Variants in SHISAL2A observed in about 807,000 individuals in gnomAD.
SHISAL2A encodes the protein shisa like 2A, also known as protein shisa-like-2A.
SHISAL2A carries 18 observed loss-of-function variants against 11.5 expected under a neutral mutation model. The ratio of observed to expected loss-of-function variants is 1.57; its 90% CI spans 1.08 to 2.33. The LOEUF is 2.33. SHISAL2A is among the 30% of genes most tolerant of loss of function. The pLI is 0.00. For synonymous variants in SHISAL2A, 94 were observed against 99.6 expected (o/e 0.94, Z 0.34); for missense variants, 261 against 250.9 (o/e 1.04, Z -0.27).
At chr1:52,648,050 T>C (rs1691541345) in intron 2 of SHISAL2A, among the ~76,000 whole-genome samples, 1 of 88,526 alleles carries the variant, frequency 1.1e-5, no homozygotes, top group African/African-American at 4.8e-5. Context: ...ATTTAAATAA[T>C]ATATATAATT....
chr1:52,665,379 C>T (rs1019338715), intron 4 of SHISAL2A, among the ~76,000 whole-genome samples: 4 of 152,108 alleles, frequency 2.6e-5, no homozygotes, highest in African/African-American at 9.7e-5. Context: ...GTCTGAAGGC[C>T]AGGGCAGGGT....
intron 2 of SHISAL2A, among the ~76,000 whole-genome samples, chr1:52,653,154 A>C (rs559226117): frequency 6.6e-6 from 1 of 151,240 alleles, no homozygotes; most frequent in South Asian, 2.1e-4. Context: ...GGTAAAATTT[A>C]ACAAAACATG....
At chr1:52,655,770 T>C (rs1324591924) in intron 2 of SHISAL2A, among the ~76,000 whole-genome samples, 2 of 152,318 alleles carry the variant, frequency 1.3e-5, no homozygotes, top group African/African-American at 4.8e-5. Context: ...TGGAAAGAGA[T>C]TGAAAGCTTT....
chr1:52,638,303 GCCCCTTTCT>G (rs769862380), intron 1 of SHISAL2A, among the ~76,000 whole-genome samples: 35,639 of 151,660 alleles, frequency 0.23, 6,996 homozygotes, highest in African/African-American at 0.5. Context: ...TCTCTTAGAG[GCCCCTTTCT>G]ATCCAGGAAC....
chr1:52,633,552 G>C lies in SHISAL2A; in HGVS notation c.59G>C (p.Ser20Thr). The change falls in exon 1 of 3, where the codon AGC becomes ACC. Residue 20 changes from serine to threonine, a missense_variant. Ser to Thr is a moderately conservative substitution (Grantham distance 58). Transcript: ENST00000517870. This position sits in a 1 kb window ranked among gnomAD's most constrained non-coding sequence, Gnocchi z 6.4. ...GAGCAGGAGGTGGTGCGCGGCTTCA[G>C]CTGCCCGCGGCCGGGGGGCGAGGCG... ...SAEQEVVRGF[S>T]CPRPGGEAAA... The C allele has an allele frequency of 6.2e-7, 1 of 1,609,722 alleles. No homozygotes were observed. The highest frequency in any genetic ancestry group is 8.5e-7 in the Non-Finnish European group (1 of 1,178,348).
At chr1:52,657,333 G>C (rs946006490), downstream of SHISAL2A, among the ~76,000 whole-genome samples, 2 of 152,302 alleles carry the variant, frequency 1.3e-5, no homozygotes, top group Middle Eastern at 6.8e-3. Flanking sequence ...AGAGAACTCT[G>C]ACATGGTTTT....
At chr1:52,646,536 C>G (rs1381900035) in intron 2 of SHISAL2A, among the ~76,000 whole-genome samples, 2 of 139,008 alleles carry the variant, frequency 1.4e-5, no homozygotes, top group African/African-American at 2.6e-5. Flanking sequence ...CACAATTAGT[C>G]CTCATATTCT....
intron 1 of SHISAL2A, among the ~76,000 whole-genome samples, chr1:52,635,364 A>C (rs1691216426): frequency 6.9e-6 from 1 of 144,792 alleles, no homozygotes; most frequent in Non-Finnish European, 1.5e-5. Context: ...CCCACCCCCC[A>C]CCCCACCAGA....
chr1:52,659,611 G>A (rs1381032987), downstream of SHISAL2A: 1 of 152,626 alleles, frequency 6.6e-6, no homozygotes, highest in Admixed American at 6.5e-5. Flanking sequence ...ATTATGGTCA[G>A]AATACAGCTT....
At chr1:52,644,723 C>T (rs1306805418) in intron 2 of SHISAL2A, among the ~76,000 whole-genome samples, 2 of 138,908 alleles carry the variant, frequency 1.4e-5, no homozygotes, top group East Asian at 2.2e-4. Flanking sequence ...GACCGTGTCT[C>T]AGAAAAAAGT....
At chr1:52,644,139 C>T (rs1425170470) in intron 2 of SHISAL2A, among the ~76,000 whole-genome samples, 2 of 151,794 alleles carry the variant, frequency 1.3e-5, no homozygotes, top group African/African-American at 4.9e-5. Flanking sequence ...CTGTCTGCCT[C>T]GAGTCACCAT....
At chr1:52,634,927 A>G (rs1393825468) in intron 1 of SHISAL2A, among the ~76,000 whole-genome samples, 1 of 152,218 alleles carries the variant, frequency 6.6e-6, no homozygotes, top group Non-Finnish European at 1.5e-5. Flanking sequence ...AACTTGACAT[A>G]TGCCAATGAC....
intron 4 of SHISAL2A, among the ~76,000 whole-genome samples, chr1:52,666,587 T>C (rs1692018395): frequency 7.2e-6 from 1 of 139,264 alleles, no homozygotes; most frequent in African/African-American, 3.0e-5. Flanking sequence ...CACGCGCGTG[T>C]GTGTGTGTGT....
At chr1:52,665,146 C>T (rs981177615) in intron 4 of SHISAL2A, among the ~76,000 whole-genome samples, 4 of 152,286 alleles carry the variant, frequency 2.6e-5, no homozygotes, top group Non-Finnish European at 5.9e-5. Flanking sequence ...ATGTGCTCGA[C>T]AGATGTTATT....
At chr1:52,635,346 C>T (rs570953732) in intron 1 of SHISAL2A, among the ~76,000 whole-genome samples, 2 of 152,018 alleles carry the variant, frequency 1.3e-5, no homozygotes, top group East Asian at 3.9e-4. Flanking sequence ...AAATCCACAC[C>T]CTCATTCCCC....
downstream of SHISAL2A, among the ~76,000 whole-genome samples, chr1:52,658,615 TTGGC>T (rs1392316565): frequency 3.3e-5 from 5 of 152,336 alleles, no homozygotes; most frequent in African/African-American, 1.2e-4. Context: ...TAGAAAAGTG[TTGGC>T]AAATGGAAAG....
chr1:52,651,692 G>A (rs1691652428), intron 2 of SHISAL2A, among the ~76,000 whole-genome samples: 1 of 152,158 alleles, frequency 6.6e-6, no homozygotes, highest in African/African-American at 2.4e-5. Context: ...AGGTTTTACA[G>A]GGACCAAGTT....
intron 2 of SHISAL2A, among the ~76,000 whole-genome samples, chr1:52,654,175 T>C (rs1365829625): frequency 6.6e-6 from 1 of 151,998 alleles, no homozygotes; most frequent in Non-Finnish European, 1.5e-5. Flanking sequence ...CCTCTCAAAG[T>C]GTGGGGATTA....
chr1:52,635,388 A>G (rs1571675296), intron 1 of SHISAL2A, among the ~76,000 whole-genome samples: 1 of 143,664 alleles, frequency 7.0e-6, no homozygotes, highest in East Asian at 2.3e-4. Flanking sequence ...TTCGGAGACT[A>G]TGGTTTCTCA....
Sources: allele counts gnomAD v4.1 joint callset (sites outside exome capture counted in the v4.1 genomes callset), GRCh38; gene constraint gnomAD v4.1.1; non-coding constraint Gnocchi (gnomAD v3.1); transcripts MANE v1.5; gene names NCBI Gene and HGNC (gene_info 2026-07-23, HGNC 2026-07-21).